KCNIP4: variants seen among roughly 807,000 people sequenced by gnomAD.
KCNIP4 encodes the protein Kv channel-interacting protein 4.
KCNIP4 carries 12 observed loss-of-function variants against 34.0 expected under a neutral mutation model. The ratio of observed to expected loss-of-function variants is 0.35; its 90% CI spans 0.23 to 0.57. KCNIP4 has a LOEUF of 0.57. KCNIP4 is among the 20% of genes least tolerant of loss of function. The pLI is 0.83. For synonymous variants in KCNIP4, 124 were observed against 102.2 expected (o/e 1.21, Z -1.29); for missense variants, 238 against 311.7 (o/e 0.76, Z 1.78).
chr4:21,235,241 C>G (rs1759269916), intron 1 of KCNIP4, among the ~76,000 whole-genome samples: 1 of 152,090 alleles, frequency 6.6e-6, no homozygotes, highest in Admixed American at 6.6e-5. Flanking sequence ...AGATGGCATG[C>G]TCTTTGCACT....
chr4:21,031,347 C>G (rs547834336), intron 1 of KCNIP4, among the ~76,000 whole-genome samples: 1 of 152,094 alleles, frequency 6.6e-6, no homozygotes, highest in African/African-American at 2.4e-5. Context: ...ATTTTTGTAC[C>G]CATTTTTGTG....
intron 1 of KCNIP4, among the ~76,000 whole-genome samples, chr4:21,553,100 A>G (rs1738709706): frequency 6.6e-6 from 1 of 150,838 alleles, no homozygotes; most frequent in East Asian, 2.0e-4. Flanking sequence ...GGCAATGCAG[A>G]CTAGTTGTAA....
intron 3 of KCNIP4, among the ~76,000 whole-genome samples, chr4:20,773,407 CAGGTG>C (rs937302740): frequency 6.6e-5 from 10 of 152,270 alleles, no homozygotes; most frequent in African/African-American, 2.4e-4. Context: ...TCCGAGCTCT[CAGGTG>C]GGACAGTAAA....
At position 21,352,137 on chromosome 4, in the gene KCNIP4, AG is replaced by A. The variant is rs1718066361; in HGVS notation, c.62-469429del. Among the ~76,000 whole-genome samples the A allele has an allele frequency of 2.0e-5, 3 of 152,198 alleles. No homozygotes were observed. The East Asian group carries it at 5.8e-4, about 29-fold the overall frequency. On this transcript the variant is annotated intron_variant, in intron 1 of 8. Transcript: ENST00000382152. ...TTTATTGCCTAACAGCACTAAAAAA[AG>A]AAAAAAATCTTGGTTCCATTCCAAG...
rs577322830 is a variant in KCNIP4, at chr4:20,885,657, C to T, written c.62-2948G>A. ...ATCTCTCTGTCTTGATAAATCAGCTCTATCTGGGCAGCAGGCAAAATGAAC... is the reference window on the plus strand; with the variant it reads ...ATCTCTCTGTCTTGATAAATCAGCTTTATCTGGGCAGCAGGCAAAATGAAC... On this transcript the variant is annotated intron_variant, in intron 1 of 8. Transcript: ENST00000382152. Among the ~76,000 whole-genome samples the T allele has an allele frequency of 1.4e-3, 217 of 152,308 alleles. 1 individual carries two copies. The South Asian group carries it at 0.024, about 17-fold the overall frequency.
chr4:21,529,670 T>C (rs1224894844), intron 1 of KCNIP4, among the ~76,000 whole-genome samples: 1 of 152,118 alleles, frequency 6.6e-6, no homozygotes, highest in Non-Finnish European at 1.5e-5. Context: ...TTTCAGGATA[T>C]AAGCAGAAAG....
intron 1 of KCNIP4, among the ~76,000 whole-genome samples, chr4:21,430,855 A>G (rs1022223693): frequency 6.6e-6 from 1 of 152,058 alleles, no homozygotes; most frequent in African/African-American, 2.4e-5. Context: ...TCTAAATTGG[A>G]TCATGGAATA....
intron 1 of KCNIP4, among the ~76,000 whole-genome samples, chr4:21,837,532 C>CAA (rs60449238): frequency 0.49 from 38,535 of 78,376 alleles, 9,834 homozygotes; most frequent in Non-Finnish European, 0.59. Flanking sequence ...AAAACGCTGT[C>CAA]AAAAAAAAAA....
At chr4:21,297,497 T>G (rs772817571) in intron 1 of KCNIP4, among the ~76,000 whole-genome samples, 4 of 152,204 alleles carry the variant, frequency 2.6e-5, no homozygotes, top group Non-Finnish European at 5.9e-5. Context: ...AAGCATTTTA[T>G]GAAACAGGTT....
At chr4:21,016,901 C>T (rs1739593846) in intron 1 of KCNIP4, among the ~76,000 whole-genome samples, 1 of 152,172 alleles carries the variant, frequency 6.6e-6, no homozygotes, top group Non-Finnish European at 1.5e-5. Context: ...AAGAAAAGTG[C>T]TATTTTGACA....
intron 1 of KCNIP4, among the ~76,000 whole-genome samples, chr4:21,871,617 C>G: frequency 6.6e-6 from 1 of 152,060 alleles, no homozygotes; most frequent in East Asian, 1.9e-4. Context: ...CAAGATTCCT[C>G]TCAAGTTGCT....
intron 3 of KCNIP4, among the ~76,000 whole-genome samples, chr4:20,810,884 T>C (rs527614432): frequency 6.6e-6 from 1 of 152,366 alleles, no homozygotes; most frequent in East Asian, 1.9e-4. Flanking sequence ...GCTGATTTCT[T>C]GCTAAATTCC....
chr4:21,566,702 G>A (rs532947786), intron 1 of KCNIP4, among the ~76,000 whole-genome samples: 2 of 152,248 alleles, frequency 1.3e-5, no homozygotes, highest in East Asian at 1.9e-4. Flanking sequence ...GAGGTAGAAA[G>A]GAAGAGACAA....
chr4:21,173,016 C>T (rs1410918274), intron 1 of KCNIP4, among the ~76,000 whole-genome samples: 1 of 152,160 alleles, frequency 6.6e-6, no homozygotes, highest in Non-Finnish European at 1.5e-5. Flanking sequence ...ACATTGAAAT[C>T]ACTGACACTG....
intron 1 of KCNIP4, among the ~76,000 whole-genome samples, chr4:21,489,345 C>A (rs2109855481): frequency 6.7e-6 from 1 of 148,486 alleles, no homozygotes; most frequent in Non-Finnish European, 1.5e-5. Flanking sequence ...AAAACTCCTT[C>A]CAGCACTAAA....
intron 1 of KCNIP4, among the ~76,000 whole-genome samples, chr4:21,314,154 G>A (rs1420306758): frequency 1.3e-5 from 2 of 152,172 alleles, no homozygotes; most frequent in East Asian, 3.9e-4. Flanking sequence ...TTGGTGCCGT[G>A]TTCTGTCTGC....
At chr4:21,884,931 C>A (rs1380798613) in intron 1 of KCNIP4, among the ~76,000 whole-genome samples, 1 of 137,996 alleles carries the variant, frequency 7.2e-6, no homozygotes, top group Non-Finnish European at 1.6e-5. Flanking sequence ...TGATACCCTG[C>A]CAACAAAAGT....
chr4:20,952,742 T>C (rs1732907946), intron 1 of KCNIP4, among the ~76,000 whole-genome samples: 1 of 152,150 alleles, frequency 6.6e-6, no homozygotes, highest in Admixed American at 6.5e-5. Context: ...GACTCTGAAA[T>C]TGTCTAACTT....
chr4:21,579,104 C>T (rs73252261), intron 1 of KCNIP4, among the ~76,000 whole-genome samples: 9,935 of 152,194 alleles, frequency 0.065, 485 homozygotes, highest in African/African-American at 0.13. Flanking sequence ...TCATATAAAG[C>T]ATCTTTTATG....
Sources: gnomAD v4.1 joint callset for allele counts (sites outside exome capture counted in the v4.1 genomes callset) on GRCh38, gnomAD v4.1.1 for gene constraint, MANE v1.5 for transcripts, NCBI Gene and HGNC (gene_info 2026-07-23, HGNC 2026-07-21) for gene names.